Variants in ROBO1 observed in about 807,000 individuals in gnomAD.
ROBO1 encodes roundabout guidance receptor 1.
A neutral mutation model predicts 195.9 loss-of-function variants in ROBO1; 149 were observed. The observed-to-expected ratio is 0.76, with a 90% CI of 0.67 to 0.87. The LOEUF (loss-of-function observed/expected upper bound fraction) is 0.87, where lower values mean the gene tolerates loss of function less well. ROBO1 is among the 40% of genes least tolerant of loss of function. The probability of loss-of-function intolerance (pLI) is 0.00; values close to 1 mark genes in which losing one functional copy is unlikely to be tolerated. For synonymous variants in ROBO1, 816 were observed against 733.2 expected, an observed-to-expected ratio of 1.11 and a Z score of -1.82; for missense variants, 1,933 against 2,068.3, an observed-to-expected ratio of 0.93 and a Z score of 1.27.
intron 1 of ROBO1, among the ~76,000 whole-genome samples, chr3:79,676,748 T>C (rs890012621): frequency 7.2e-5 from 11 of 152,064 alleles, no homozygotes; most frequent in African/African-American, 2.4e-4. Flanking sequence ...TTTTATTGTT[T>C]AGAAGCAAGG....
intron 2 of ROBO1, among the ~76,000 whole-genome samples, chr3:79,134,885 T>C (rs867901184): frequency 0.016 from 1,770 of 108,502 alleles, 23 homozygotes; most frequent in Non-Finnish European, 0.026. Flanking sequence ...CTGGGGACTG[T>C]GGTGGGGTCG....
chr3:78,748,069 C>G (rs755108094), intron 4 of ROBO1, among the ~76,000 whole-genome samples: 2 of 152,142 alleles, frequency 1.3e-5, no homozygotes, highest in Non-Finnish European at 2.9e-5. Flanking sequence ...TTTTGGTAAC[C>G]TAATTTAACA....
intron 4 of ROBO1, among the ~76,000 whole-genome samples, chr3:78,922,605 C>CT (rs565147879): frequency 0.38 from 46,549 of 123,118 alleles, 9,718 homozygotes; most frequent in Middle Eastern, 0.51. Flanking sequence ...TCTTCTTCTT[C>CT]TTTTTTTTTT....
At position 79,670,908 on chromosome 3, in the gene ROBO1, A is replaced by G. The variant is rs375632011; in HGVS notation, c.-50-80947T>C. Among the ~76,000 whole-genome samples the G allele has an allele frequency of 7.9e-5, 12 of 151,986 alleles. No individual in the cohort carries two copies. In the East Asian group the frequency reaches 1.4e-3, roughly 17 times the overall value. On this transcript the variant is annotated intron_variant, in intron 1 of 30. Coordinates refer to ENST00000464233, the MANE Select transcript of ROBO1 (RefSeq NM_002941.4). ...GATTCTATAATTCACAAGGAGAACA[A>G]TACAGGAAGAACTAATGTAATTGCT...
intron 4 of ROBO1, among the ~76,000 whole-genome samples, chr3:78,802,136 G>C (rs1188430019): frequency 6.6e-6 from 1 of 152,140 alleles, no homozygotes; most frequent in African/African-American, 2.4e-5. Flanking sequence ...AAGAGATTTT[G>C]CATGAGAAGC....
At chr3:78,810,739 C>T (rs1273578958) in intron 4 of ROBO1, among the ~76,000 whole-genome samples, 1 of 152,024 alleles carries the variant, frequency 6.6e-6, no homozygotes, top group Non-Finnish European at 1.5e-5. Flanking sequence ...CATTCCTCCT[C>T]CCCTACCCTT....
intron 3 of ROBO1, among the ~76,000 whole-genome samples, chr3:79,104,175 T>C (rs1455477310): frequency 6.6e-6 from 1 of 151,738 alleles, no homozygotes; most frequent in Non-Finnish European, 1.5e-5. Context: ...AGAGTAAACA[T>C]AGTGCAAGTT....
chr3:79,283,885 G>C (rs1216186952), intron 2 of ROBO1, among the ~76,000 whole-genome samples: 3 of 151,770 alleles, frequency 2.0e-5, no homozygotes, highest in Admixed American at 6.6e-5. Context: ...TTTTAGTAGA[G>C]ACGGGGTTTC....
At chr3:78,776,442 G>T (rs1267725313) in intron 4 of ROBO1, among the ~76,000 whole-genome samples, 1 of 152,064 alleles carries the variant, frequency 6.6e-6, no homozygotes, top group East Asian at 1.9e-4. Context: ...GTAGAGACGG[G>T]GTTTCGCCAT....
chr3:79,111,202 T>C lies in ROBO1; in HGVS notation c.172+14254A>G, dbSNP rs531247365. ...AATCAGGAACACAGAGAATCTCTTT[T>C]GTCTAATAGCCATAGGGCTATTGTA... On this transcript the variant is annotated intron_variant, in intron 3 of 30. Coordinates refer to ENST00000464233, the MANE Select transcript of ROBO1 (RefSeq NM_002941.4). Among the ~76,000 whole-genome samples, 45 of 152,312 alleles carry C rather than the reference T, an allele frequency of 3.0e-4. 1 individual carries two copies. The South Asian group carries it at 8.9e-3, about 30-fold the overall frequency.
rs571897088 is a variant in ROBO1 at position 78,842,618 on chromosome 3, C to A, written c.500-95718G>T. 5.2e-4 allele frequency among the ~76,000 whole-genome samples: 76 copies of A among 146,684 alleles called. 13 individuals carry two copies. Among genetic ancestry groups the A allele is most frequent in the African/African-American group, 1.8e-3 (73 of 39,848 alleles). On this transcript the variant is annotated intron_variant, in intron 4 of 30. Coordinates refer to ENST00000464233, the MANE Select transcript of ROBO1 (RefSeq NM_002941.4). ...CATATATATATTTTTATATATGGCA[C>A]CTAAGCACACGAAATAATACTCTAC...
At chr3:79,717,958 G>A (rs1472815061) in intron 1 of ROBO1, among the ~76,000 whole-genome samples, 1 of 151,898 alleles carries the variant, frequency 6.6e-6, no homozygotes, top group Non-Finnish European at 1.5e-5. Flanking sequence ...AATTCTTACA[G>A]GAGCATGATC....
chr3:79,173,823 C>A (rs1384726770), intron 2 of ROBO1, among the ~76,000 whole-genome samples: 1 of 152,124 alleles, frequency 6.6e-6, no homozygotes, highest in Non-Finnish European at 1.5e-5. Context: ...TTACGTCTAG[C>A]CAAGGGATTG....
chr3:79,591,730 C>T lies in ROBO1; in HGVS notation c.-50-1769G>A, dbSNP rs115821613. Among the ~76,000 whole-genome samples, 979 of 151,926 alleles carry T rather than the reference C, an allele frequency of 6.4e-3. 12 individuals carry two copies. The highest frequency in any genetic ancestry group is 0.022 in the African/African-American group (929 of 41,490). ...CAATGTTTTGGCTTATGATCACATT[C>T]CTCAGTGAAGTATAAATGATTTGTT... On this transcript the variant is annotated intron_variant, in intron 1 of 30. Coordinates refer to ENST00000464233, the MANE Select transcript of ROBO1 (RefSeq NM_002941.4).
At position 79,559,033 on chromosome 3, in the gene ROBO1, T is replaced by C. The variant is rs138790003; in HGVS notation, c.88+30791A>G. Reference sequence around the variant, plus strand: ...ACGTAGTATGTAAACAAGCCGCAACTTAACCTAGTAGTATATTTTTGTAAC... The same window carrying C: ...ACGTAGTATGTAAACAAGCCGCAACCTAACCTAGTAGTATATTTTTGTAAC... On this transcript the variant is annotated intron_variant, in intron 2 of 30. Transcript: ENST00000464233. Among the ~76,000 whole-genome samples the C allele has an allele frequency of 3.5e-4, 53 of 152,294 alleles. No individual in the cohort carries two copies. In the East Asian group the frequency reaches 9.5e-3, roughly 27 times the overall value.
Position 78,765,620 on chromosome 3 carries a change from A to AAAGGTT in ROBO1, c.500-18721_500-18720insAACCTT, listed in dbSNP as rs1213472179. ...TTTTTAGATTATTATGGTGAGCACT[A>AAAGGTT]ATATCTAACAGGCTAGCATACTAAT... On this transcript the variant is annotated intron_variant, in intron 4 of 30. Coordinates refer to ENST00000464233, the MANE Select transcript of ROBO1 (RefSeq NM_002941.4). Among the ~76,000 whole-genome samples, 5 of 152,168 alleles carry AAAGGTT rather than the reference A, an allele frequency of 3.3e-5. No homozygotes were observed. In the East Asian group the frequency reaches 9.6e-4, roughly 29 times the overall value.
intron 4 of ROBO1, among the ~76,000 whole-genome samples, chr3:78,856,239 G>C (rs975395819): frequency 6.5e-5 from 9 of 137,818 alleles, no homozygotes; most frequent in Non-Finnish European, 1.1e-4. Flanking sequence ...ACAAAAACTG[G>C]AGCTAAACTT....
chr3:79,604,009 G>C (rs1352472180), intron 1 of ROBO1, among the ~76,000 whole-genome samples: 1 of 151,958 alleles, frequency 6.6e-6, no homozygotes, highest in Non-Finnish European at 1.5e-5. Flanking sequence ...TACACAACAG[G>C]TACTCTCACG....
intron 10 of ROBO1, among the ~76,000 whole-genome samples, chr3:78,672,919 A>ATACAACAGAAATGTTCCATATC (rs1337837898): frequency 2.6e-4 from 39 of 152,322 alleles, no homozygotes; most frequent in Admixed American, 1.1e-3. Context: ...TGTTAGCACC[A>ATACAACAGAAATGTTCCATATC]TACAACAGAA....
Sources: allele counts gnomAD v4.1 joint callset (sites outside exome capture counted in the v4.1 genomes callset), GRCh38; gene constraint gnomAD v4.1.1; transcripts MANE v1.5; gene names NCBI Gene and HGNC (gene_info 2026-07-23, HGNC 2026-07-21).